The following GLIS3 variants were observed in gnomAD, a reference collection of about 807,000 sequenced individuals.
GLIS3 encodes the protein zinc finger protein GLIS3.
In GLIS3, 53 loss-of-function variants were observed where a neutral mutation model predicts 78.6. The ratio of observed to expected loss-of-function variants is 0.67; its 90% CI spans 0.54 to 0.85. The LOEUF (loss-of-function observed/expected upper bound fraction) is 0.85, where lower values mean the gene tolerates loss of function less well. GLIS3 is among the 40% of genes least tolerant of loss of function. The pLI is 0.00. For synonymous variants in GLIS3, 684 were observed against 509.9 expected (o/e 1.34, Z -4.60); for missense variants, 1,703 against 1,231.1 (o/e 1.38, Z -5.74).
At chr9:4,235,037 G>A (rs1427019618) in intron 2 of GLIS3, among the ~76,000 whole-genome samples, 2 of 152,076 alleles carry the variant, frequency 1.3e-5, no homozygotes, top group Non-Finnish European at 2.9e-5. Flanking sequence ...GGTGGCTCAC[G>A]CCTGTAATCC....
At chr9:3,879,118 C>T (rs1481591751) in intron 8 of GLIS3, among the ~76,000 whole-genome samples, 3 of 152,040 alleles carry the variant, frequency 2.0e-5, no homozygotes, top group African/African-American at 4.8e-5. Flanking sequence ...ATATACATTA[C>T]CTTAAAATTG....
intron 4 of GLIS3, among the ~76,000 whole-genome samples, chr9:4,010,320 G>C (rs1047042337): frequency 6.6e-6 from 1 of 152,134 alleles, no homozygotes; most frequent in Non-Finnish European, 1.5e-5. Context: ...GTTGCAATAT[G>C]GGAAGATGAT....
Position 4,308,576 on chromosome 9 carries a change from C to T in GLIS3, n.584+201G>A, listed in dbSNP as rs76419389. Reference sequence around the variant, plus strand: ...TGAGGATCCAGTCCTAGTGCCTCTTCCTTGCAGTGGCTCTCAGTGCTGGGT... The same window carrying T: ...TGAGGATCCAGTCCTAGTGCCTCTTTCTTGCAGTGGCTCTCAGTGCTGGGT... On this transcript the variant is annotated intron_variant and non_coding_transcript_variant, in intron 4 of 4. Transcript: ENST00000471664. Among the ~76,000 whole-genome samples the T allele has an allele frequency of 7.6e-3, 1,156 of 152,238 alleles. 7 individuals carry two copies. Among genetic ancestry groups the T allele is most frequent in the Middle Eastern group, 0.061 (18 of 294 alleles).
chr9:4,186,174 G>C (rs1354758251), intron 2 of GLIS3, among the ~76,000 whole-genome samples: 1 of 106,060 alleles, frequency 9.4e-6, no homozygotes, highest in Non-Finnish European at 1.7e-5. Context: ...ACAGTACCCA[G>C]AGTGTGATGT....
chr9:4,208,121 A>G (rs1820045448), intron 2 of GLIS3, among the ~76,000 whole-genome samples: 2 of 152,214 alleles, frequency 1.3e-5, no homozygotes, highest in African/African-American at 4.8e-5. Flanking sequence ...TTTTCATTTG[A>G]GTTCAGTCCC....
At chr9:4,043,519 G>C (rs1354395961) in intron 4 of GLIS3, among the ~76,000 whole-genome samples, 4 of 152,080 alleles carry the variant, frequency 2.6e-5, no homozygotes, top group African/African-American at 4.8e-5. Context: ...GGGCTGGGAA[G>C]GGGCCTTTAA....
intron 2 of GLIS3, among the ~76,000 whole-genome samples, chr9:4,265,223 A>T (rs1288863064): frequency 2.0e-5 from 3 of 151,936 alleles, no homozygotes; most frequent in Non-Finnish European, 4.4e-5. Context: ...CAAGGTCTAC[A>T]TCTGGTGAAA....
intron 4 of GLIS3, among the ~76,000 whole-genome samples, chr9:4,306,663 CAT>C (rs2130509554): frequency 6.6e-6 from 1 of 152,338 alleles, no homozygotes; most frequent in East Asian, 1.9e-4. Context: ...GAGAAGGAAT[CAT>C]AGAGAAATGT....
intron 8 of GLIS3, among the ~76,000 whole-genome samples, chr9:3,862,741 A>G (rs1820300093): frequency 6.6e-6 from 1 of 152,116 alleles, no homozygotes; most frequent in Admixed American, 6.5e-5. Flanking sequence ...TGTTCTGGAT[A>G]GTTTTTCTTT....
chr9:4,022,064 G>C (rs34571412), intron 4 of GLIS3, among the ~76,000 whole-genome samples: 8 of 152,020 alleles, frequency 5.3e-5, no homozygotes, highest in Non-Finnish European at 1.2e-4. Flanking sequence ...ATATAAGACA[G>C]GTGGTGACAA....
At chr9:4,028,550 T>C (rs1823541567) in intron 4 of GLIS3, among the ~76,000 whole-genome samples, 1 of 152,160 alleles carries the variant, frequency 6.6e-6, no homozygotes, top group Admixed American at 6.5e-5. Context: ...AAGGTAAAGC[T>C]CACTGAATTT....
At chr9:4,000,767 A>C (rs1821073939) in intron 4 of GLIS3, among the ~76,000 whole-genome samples, 1 of 152,132 alleles carries the variant, frequency 6.6e-6, no homozygotes, top group Non-Finnish European at 1.5e-5. Context: ...CTGAATTATC[A>C]GATGCCCAAG....
intron 7 of GLIS3, among the ~76,000 whole-genome samples, chr9:3,885,579 T>G (rs969829112): frequency 6.6e-5 from 10 of 152,192 alleles, no homozygotes; most frequent in African/African-American, 2.4e-4. Context: ...ACCATTCATC[T>G]CTTGGGCAGT....
intron 9 of GLIS3, among the ~76,000 whole-genome samples, chr9:3,830,851 C>A (rs923065177): frequency 6.6e-6 from 1 of 152,164 alleles, no homozygotes; most frequent in Non-Finnish European, 1.5e-5. Context: ...CCAGGGTGAA[C>A]TGATACATCC....
chr9:4,263,816 C>G (rs1825744899), intron 2 of GLIS3, among the ~76,000 whole-genome samples: 2 of 152,178 alleles, frequency 1.3e-5, no homozygotes, highest in African/African-American at 4.8e-5. Flanking sequence ...GAGACACCCT[C>G]TACCCTGGTT....
intron 4 of GLIS3, among the ~76,000 whole-genome samples, chr9:3,946,790 C>T (rs759566729): frequency 6.6e-6 from 1 of 152,210 alleles, no homozygotes; most frequent in Non-Finnish European, 1.5e-5. Context: ...TGTGCCTTCT[C>T]ATACATAAAG....
chr9:4,186,202 C>T (rs4521818), intron 2 of GLIS3, among the ~76,000 whole-genome samples: 41,275 of 144,508 alleles, frequency 0.29, 6,292 homozygotes, highest in African/African-American at 0.4. Flanking sequence ...CCTGTGTCCA[C>T]GTGTTCTCAT....
chr9:4,398,793 A>G, the GLIS3 span, among the ~76,000 whole-genome samples: 2 of 152,142 alleles, frequency 1.3e-5, no homozygotes, highest in Non-Finnish European at 2.9e-5. Context: ...TTCAAGCAAT[A>G]ATTCTCTGCT....
At chr9:4,443,339 G>A in the GLIS3 span, among the ~76,000 whole-genome samples, 7 of 152,242 alleles carry the variant, frequency 4.6e-5, no homozygotes, top group African/African-American at 1.4e-4. Flanking sequence ...ACAGAGCAGC[G>A]AGAAAGTGTT....
Sources: allele counts gnomAD v4.1 joint callset (sites outside exome capture counted in the v4.1 genomes callset), GRCh38; gene constraint gnomAD v4.1.1; transcripts MANE v1.5; gene names NCBI Gene and HGNC (gene_info 2026-07-23, HGNC 2026-07-21).